The following UBAP2 variants were observed in gnomAD, a reference collection of about 807,000 sequenced individuals.
UBAP2 encodes ubiquitin associated protein 2, also known as ubiquitin-associated protein 2.
A neutral mutation model predicts 139.6 loss-of-function variants in UBAP2; 75 were observed. The observed-to-expected ratio is 0.54, with a 90% CI of 0.45 to 0.65. UBAP2 has a LOEUF of 0.65. Among genes scored for constraint, UBAP2 ranks in the 30% least tolerant of loss-of-function variants. The probability of loss-of-function intolerance (pLI) is 0.00; values close to 1 mark genes in which losing one functional copy is unlikely to be tolerated. For missense variants in UBAP2, 1,368 were observed against 1,369.6 expected (o/e 1.00, Z 0.02); for synonymous variants, 526 against 526.2 (o/e 1.00, Z 0.01).
At chr9:34,031,692 C>T (rs375432127) in intron 1 of UBAP2, among the ~76,000 whole-genome samples, 4 of 151,438 alleles carry the variant, frequency 2.6e-5, no homozygotes, top group African/African-American at 4.9e-5. Flanking sequence ...CCACCATGCC[C>T]GGCTAATTTT....
chr9:33,986,921 G>T, intron 5 of UBAP2, 84 bp from the exon 6 acceptor site: 1 of 1,181,736 alleles, frequency 8.5e-7, no homozygotes. Flanking sequence ...TAAAGGCAAA[G>T]AAGGAATGAC....
intron 6 of UBAP2, 25 bp downstream of exon 6, chr9:33,986,735 T>C (rs754217322): frequency 1.5e-6 from 2 of 1,315,678 alleles, no homozygotes; most frequent in South Asian, 2.4e-5. Flanking sequence ...TTGAAAGCAT[T>C]TTCTTCCCTC....
At chr9:34,045,467 A>G (rs2013533) in intron 1 of UBAP2, among the ~76,000 whole-genome samples, 146,031 of 152,078 alleles carry the variant, frequency 0.96, 70,251 homozygotes, top group Non-Finnish European at 1. Context: ...TCCACCTCCC[A>G]GGTTCAAGCA....
At chr9:33,957,308 C>T (rs1469923404) in intron 10 of UBAP2, among the ~76,000 whole-genome samples, 1 of 152,140 alleles carries the variant, frequency 6.6e-6, no homozygotes, top group East Asian at 1.9e-4. Context: ...CTGAATAAGT[C>T]TGGCATACAT....
intron 4 of UBAP2, chr9:33,994,868 A>G (rs1167102872): frequency 6.6e-6 from 1 of 152,142 alleles, no homozygotes; most frequent in Non-Finnish European, 1.5e-5. Flanking sequence ...CTCAGAGTTC[A>G]TTTTTGTATT....
At chr9:33,954,723 TAAATAC>T (rs140786469) in intron 11 of UBAP2, among the ~76,000 whole-genome samples, 11,983 of 152,172 alleles carry the variant, frequency 0.079, 656 homozygotes, top group Non-Finnish European at 0.12. Context: ...CACTGAATCA[TAAATAC>T]AATAGAGAAT....
chr9:34,046,666 A>C (rs1827624750), intron 1 of UBAP2, among the ~76,000 whole-genome samples: 1 of 121,430 alleles, frequency 8.2e-6, no homozygotes, highest in Admixed American at 9.0e-5. Context: ...AAAAAAAAAA[A>C]AAAAAAGAAG....
At chr9:34,017,741 A>G (rs1824500547) in intron 1 of UBAP2, among the ~76,000 whole-genome samples, 1 of 152,136 alleles carries the variant, frequency 6.6e-6, no homozygotes, top group Non-Finnish European at 1.5e-5. Flanking sequence ...GCTGGCTAAC[A>G]CAATGAAACC....
At chr9:34,016,370 C>CGGCGGCGGTGGTGGTGGTGGTGGT (rs1321174650) in intron 2 of UBAP2, among the ~76,000 whole-genome samples, 10 of 93,690 alleles carry the variant, frequency 1.1e-4, no homozygotes, top group African/African-American at 4.9e-4. Context: ...GCGGCAGCGG[C>CGGCGGCGGTGGTGGTGGTGGTGGT]GGTGGTGGTG....
chr9:33,959,389 A>T (rs1826840143), intron 10 of UBAP2, among the ~76,000 whole-genome samples: 1 of 152,216 alleles, frequency 6.6e-6, no homozygotes, highest in Non-Finnish European at 1.5e-5. Context: ...GGAGACAGAG[A>T]AAAAGACAGA....
At chr9:34,023,644 A>ACTAC (rs1825151353) in intron 1 of UBAP2, among the ~76,000 whole-genome samples, 1 of 152,218 alleles carries the variant, frequency 6.6e-6, no homozygotes, top group Non-Finnish European at 1.5e-5. Context: ...AAACATAAAA[A>ACTAC]CTACATGGCT....
rs1822940433 is a variant in UBAP2, at chr9:33,922,152, G to A, written c.*352C>T. 1 of 257,834 alleles carries A rather than the reference G, an allele frequency of 3.9e-6. No individual in the cohort carries two copies. 16.0% of individuals were successfully genotyped at this position (257,834 alleles called of 1,614,324 possible). Reference sequence around the variant, plus strand: ...AAACAGCCTTGAACCAGCCCTTCCAGAGACTGCCCCTAGTGGCCCACTGGG... The same window carrying A: ...AAACAGCCTTGAACCAGCCCTTCCAAAGACTGCCCCTAGTGGCCCACTGGG... On this transcript the variant is annotated 3_prime_UTR_variant, in exon 29 of 29. Transcript: ENST00000379238.
chr9:33,935,708 A>T (rs1489015132), intron 17 of UBAP2, 131 bp downstream of exon 17: 1 of 1,123,078 alleles, frequency 8.9e-7, no homozygotes, highest in Non-Finnish European at 1.3e-6. Context: ...TCCAAAAACA[A>T]AAAAGCAAAA....
chr9:34,011,690 G>A, intron 2 of UBAP2: 3 of 986,746 alleles, frequency 3.0e-6, no homozygotes, highest in Non-Finnish European at 3.6e-6. Context: ...GAAAAATCAG[G>A]ATCAACTGGT....
chr9:33,939,905 GGAT>G (rs1254844706), intron 16 of UBAP2, among the ~76,000 whole-genome samples: 9 of 18,440 alleles, frequency 4.9e-4, no homozygotes, highest in Non-Finnish European at 7.5e-4. Flanking sequence ...AGGAGGAGGA[GGAT>G]GGGGAGGAGA....
Position 33,973,162 on chromosome 9 carries a change from A to T in UBAP2, c.575+21T>A, listed in dbSNP as rs550674659. ...AACTAGGGAAGTAAATAATTATAAAAATAGGATGGCTATCACTTACCCCAT... is the reference window on the plus strand; with the variant it reads ...AACTAGGGAAGTAAATAATTATAAATATAGGATGGCTATCACTTACCCCAT... On this transcript the variant is annotated intron_variant, in intron 7 of 28. Coordinates refer to ENST00000379238, the MANE Select transcript of UBAP2 (RefSeq NM_001370062.2). 5.0e-6 allele frequency: 8 copies of T among 1,611,530 alleles called. No homozygotes were observed. In the South Asian group the frequency reaches 5.5e-5, roughly 11 times the overall value.
At chr9:33,932,303 C>T (rs1209222348) in intron 19 of UBAP2, among the ~76,000 whole-genome samples, 1 of 152,142 alleles carries the variant, frequency 6.6e-6, no homozygotes, top group Non-Finnish European at 1.5e-5. Context: ...AGCAAGGTCA[C>T]CACCTGACAC....
At chr9:33,968,211 G>C (rs1426514875) in intron 8 of UBAP2, 1 of 618,340 alleles carries the variant, frequency 1.6e-6, no homozygotes, top group African/African-American at 1.8e-5. Context: ...GATTGGTACA[G>C]GATTATGAAA....
chr9:34,023,221 A>G (rs888699364), intron 1 of UBAP2, among the ~76,000 whole-genome samples: 4 of 147,986 alleles, frequency 2.7e-5, no homozygotes, highest in African/African-American at 4.9e-5. Flanking sequence ...GACTGTCTCA[A>G]AAAAAAAAAA....
Sources: gnomAD v4.1 joint callset for allele counts (sites outside exome capture counted in the v4.1 genomes callset) on GRCh38, gnomAD v4.1.1 for gene constraint, MANE v1.5 for transcripts, NCBI Gene and HGNC (gene_info 2026-07-23, HGNC 2026-07-21) for gene names.